Variants in P2RX4 observed in about 807,000 individuals in gnomAD.
P2RX4 encodes the protein P2X purinoceptor 4.
In P2RX4, 37 loss-of-function variants were observed where a neutral mutation model predicts 48.0. The observed-to-expected ratio is 0.77, with a 90% CI of 0.59 to 1.01. The LOEUF (loss-of-function observed/expected upper bound fraction) is 1.01. Ranked by LOEUF, P2RX4 falls within the 50% of genes least tolerant of loss-of-function variation. The pLI, the probability that P2RX4 is intolerant of heterozygous loss-of-function variation, is 0.00. For synonymous variants in P2RX4, 200 were observed against 199.7 expected, an observed-to-expected ratio of 1.00 and a Z score of -0.01; for missense variants, 501 against 521.4, an observed-to-expected ratio of 0.96 and a Z score of 0.38.
rs760764605 is a variant in P2RX4 at position 121,233,685 on chromosome 12, C to G, written c.*136C>G. 2.6e-5 allele frequency: 40 copies of G among 1,532,094 alleles called. No homozygotes were observed. Among genetic ancestry groups the G allele is most frequent in the Admixed American group, 8.0e-5 (4 of 50,090 alleles). The allele number at this position is 1,532,094 out of a possible 1,614,324, so 94.9% of individuals were successfully genotyped here. ...CTCCACTCCACAAGCACTCAGGGTT[C>G]CCCAGCAGCTCCTGTGTGTTGTGTG... On this transcript the variant is annotated 3_prime_UTR_variant, in exon 12 of 12. Coordinates refer to ENST00000337233, the MANE Select transcript of P2RX4 (RefSeq NM_002560.3).
At chr12:121,218,477 C>T (rs186367913) in intron 2 of P2RX4, among the ~76,000 whole-genome samples, 4 of 151,854 alleles carry the variant, frequency 2.6e-5, no homozygotes, top group Admixed American at 6.6e-5. Context: ...AGCAAGACTC[C>T]GTCTCAAAAA....
chr12:121,229,019 C>A lies in P2RX4; in HGVS notation c.804C>A (p.Ser268=). 1 of 1,614,068 alleles carries A rather than the reference C, an allele frequency of 6.2e-7. No homozygotes were observed. The highest frequency in any genetic ancestry group is 8.5e-7 in the Non-Finnish European group (1 of 1,180,022). The change falls in exon 8 of 12, where the codon TCC becomes TCA. Residue 268 remains serine, a synonymous_variant. Coordinates refer to ENST00000337233, the MANE Select transcript of P2RX4 (RefSeq NM_002560.3). This position sits in a 1 kb window ranked among gnomAD's most constrained non-coding sequence, Gnocchi z 4.6. ...NWDCNLDRAA[S]LCLPRYSFRR... is the part of the protein sequence containing the mutation. ...ACTGCAACCTGGACAGAGCCGCCTCCCTCTGCTTGCCCAGGTACTCCTTCC... is the reference window on the plus strand; with the variant it reads ...ACTGCAACCTGGACAGAGCCGCCTCACTCTGCTTGCCCAGGTACTCCTTCC...
rs1374888706 is a variant in P2RX4, at chr12:121,212,816, A to T, written c.134+2518A>T. 90 of 32,718 alleles carry T rather than the reference A, an allele frequency of 2.8e-3. 3 individuals are homozygous for T. Among genetic ancestry groups the T allele is most frequent in the African/African-American group, 0.011 (75 of 6,914 alleles). 2.0% of individuals were successfully genotyped at this position (32,718 alleles called of 1,614,324 possible). A position where few individuals can be genotyped will look rare whatever the true frequency, so the allele number is the denominator to read the frequency against. ...AATATATATATATATATATATATAT[A>T]TATATATATTTTTTTTTTTTTTTTG... On this transcript the variant is annotated intron_variant, in intron 1 of 11. Transcript: ENST00000337233.
In P2RX4 at chr12:121,228,584, C is replaced by T. The variant is rs1190393662; in HGVS notation, c.576C>T (p.Asn192=). 2 of 1,613,642 alleles carry T rather than the reference C, an allele frequency of 1.2e-6. No homozygotes were observed. The highest frequency in any genetic ancestry group is 1.7e-6 in the Non-Finnish European group (2 of 1,179,930). Residue 192 remains asparagine (N), a synonymous_variant, in exon 6 of 12, where the codon AAC becomes AAT. Coordinates refer to ENST00000337233, the MANE Select transcript of P2RX4 (RefSeq NM_002560.3). Reference sequence around the variant, plus strand: ...ACTTCACTCTTTTGGTTAAGAACAACATCTGGTATCCCAAATTTAATTTCA... The same window carrying T: ...ACTTCACTCTTTTGGTTAAGAACAATATCTGGTATCCCAAATTTAATTTCA... ...AENFTLLVKN[N]IWYPKFNFSK... is the part of the protein sequence containing the mutation.
intron 1 of P2RX4, chr12:121,212,901 G>C (rs1488107568): frequency 2.1e-5 from 3 of 141,336 alleles, no homozygotes; most frequent in Non-Finnish European, 4.5e-5. Context: ...GAAGCATTTG[G>C]GGGCAGGAGC....
intron 8 of P2RX4, among the ~76,000 whole-genome samples, chr12:121,231,783 AG>A (rs1245631478): frequency 6.6e-6 from 1 of 152,034 alleles, no homozygotes; most frequent in Non-Finnish European, 1.5e-5. Flanking sequence ...AAATTTAAAA[AG>A]CCCTAGGTCA....
intron 11 of P2RX4, 98 bp downstream of exon 11, chr12:121,233,190 C>A: frequency 1.2e-6 from 1 of 832,208 alleles, no homozygotes. Flanking sequence ...TCTGCAGAGG[C>A]TGGCACCAGT....
In P2RX4 at chr12:121,232,516, C is replaced by A; in HGVS notation, c.978+9C>A. 1 of 1,612,212 alleles carries A rather than the reference C, an allele frequency of 6.2e-7. No homozygotes were observed. Among genetic ancestry groups the A allele is most frequent in the Middle Eastern group, 1.7e-4 (1 of 6,060 alleles). On this transcript the variant is annotated intron_variant, in intron 9 of 11. Transcript: ENST00000337233. This position sits in a 1 kb window ranked among gnomAD's most constrained non-coding sequence, Gnocchi z 4.3. ...TCATTGTGTTTGGGAAGGTAGCTCGCCGCCACTGGCTCCCCTCCGTCACTC... is the reference window on the plus strand; with the variant it reads ...TCATTGTGTTTGGGAAGGTAGCTCGACGCCACTGGCTCCCCTCCGTCACTC...
intron 2 of P2RX4, among the ~76,000 whole-genome samples, chr12:121,219,861 TAGAC>T (rs746707184): frequency 2.5e-4 from 36 of 142,900 alleles, no homozygotes; most frequent in African/African-American, 8.3e-4. Context: ...GATAGATAGA[TAGAC>T]AGATAATAGA....
At chr12:121,226,189 T>C (rs569298932) in intron 5 of P2RX4, among the ~76,000 whole-genome samples, 16 of 152,220 alleles carry the variant, frequency 1.1e-4, no homozygotes, top group African/African-American at 3.6e-4. Context: ...ATACTTTTAT[T>C]GGACATCACT....
At chr12:121,231,829 C>T (rs1333422288) in intron 8 of P2RX4, among the ~76,000 whole-genome samples, 1 of 151,908 alleles carries the variant, frequency 6.6e-6, no homozygotes, top group African/African-American at 2.4e-5. Context: ...CTTGGTGAAA[C>T]CCCGTCTCTA....
chr12:121,210,241 G>T lies in P2RX4; in HGVS notation c.77G>T (p.Arg26Leu), dbSNP rs886908874. Residue 26 changes from arginine (R) to leucine (L), a missense_variant, in exon 1 of 12, where the codon CGC (arginine) becomes CTC (leucine). By Grantham distance (102) the Arg-to-Leu change is moderately radical. Around this residue, in one of 3 missense-constraint regions of P2RX4, gnomAD observed 295 missense variants for 275.3 expected, o/e 1.07. Coordinates refer to ENST00000337233, the MANE Select transcript of P2RX4 (RefSeq NM_002560.3). Reference sequence around the variant, plus strand: ...CCGCGCATCGTGCTCATCCGCAGCCGCAAAGTGGGGCTCATGAACCGCGCC... The same window carrying T: ...CCGCGCATCGTGCTCATCCGCAGCCTCAAAGTGGGGCTCATGAACCGCGCC... ...DTPRIVLIRS[R>L]KVGLMNRAVQ... The T allele has an allele frequency of 1.3e-5, 21 of 1,562,220 alleles. No homozygotes were observed. The highest frequency in any genetic ancestry group is 5.6e-5 in the Admixed American group (3 of 53,428).
At chr12:121,226,011 G>C (rs1315909186) in intron 5 of P2RX4, among the ~76,000 whole-genome samples, 1 of 151,816 alleles carries the variant, frequency 6.6e-6, no homozygotes, top group Non-Finnish European at 1.5e-5. Flanking sequence ...TGTGTAGCTG[G>C]GACCACAGGG....
At position 121,228,964 on chromosome 12, in the gene P2RX4, G is replaced by A; in HGVS notation, c.749G>A (p.Gly250Glu). 3 of 1,614,074 alleles carry A rather than the reference G, an allele frequency of 1.9e-6. No homozygotes were observed. Among genetic ancestry groups the A allele is most frequent in the Non-Finnish European group, 2.5e-6 (3 of 1,180,014 alleles). The change falls in exon 8 of 12, where the codon GGA (glycine) becomes GAA (glutamate). Residue 250 changes from glycine (G) to glutamate (E), a missense_variant and splice_region_variant. Around this residue, in one of 3 missense-constraint regions of P2RX4, gnomAD observed 197 missense variants for 219.5 expected, o/e 0.90. Transcript: ENST00000337233. ...CGTGTCTCTGCTGCTCATCCCCAGG[G>A]AGGCATCATGGGCATCCAGGTCAAC... ...GHSFQDMAVE[G>E]GIMGIQVNWD...
In P2RX4 at chr12:121,210,364, C is replaced by T. The variant is rs544098330; in HGVS notation, c.134+66C>T. 46 of 1,377,666 alleles carry T rather than the reference C, an allele frequency of 3.3e-5. No individual in the cohort carries two copies. In the South Asian group the frequency reaches 7.6e-4, roughly 23 times the overall value. 85.3% of individuals were successfully genotyped at this position (1,377,666 alleles called of 1,614,324 possible). A position where few individuals can be genotyped will look rare whatever the true frequency, so the allele number is the denominator to read the frequency against. On this transcript the variant is annotated intron_variant, in intron 1 of 11. Coordinates refer to ENST00000337233, the MANE Select transcript of P2RX4 (RefSeq NM_002560.3). ...CTCGCGTCCGCGCCGTGCGGCGGCT[C>T]ATCCTGGCCTCGGTCACCTGGGCGA...
intron 5 of P2RX4, among the ~76,000 whole-genome samples, chr12:121,227,479 A>G (rs151294504): frequency 1.2e-3 from 184 of 152,346 alleles, no homozygotes; most frequent in African/African-American, 4.0e-3. Flanking sequence ...GCCTGTAGGC[A>G]AATTTACTTT....
rs1229243821 is a variant in P2RX4, at chr12:121,232,761, C to T, written c.1044+85C>T. 1.7e-6 allele frequency: 2 copies of T among 1,172,816 alleles called. No individual in the cohort carries two copies. The highest frequency in any genetic ancestry group is 2.6e-6 in the Non-Finnish European group (2 of 783,710). 72.7% of individuals were successfully genotyped at this position (1,172,816 alleles called of 1,614,324 possible). A position where few individuals can be genotyped will look rare whatever the true frequency, so the allele number is the denominator to read the frequency against. On this transcript the variant is annotated intron_variant, in intron 10 of 11. Coordinates refer to ENST00000337233, the MANE Select transcript of P2RX4 (RefSeq NM_002560.3). This position sits in a 1 kb window ranked among gnomAD's most constrained non-coding sequence, Gnocchi z 4.3. ...CTGGTCCTGGCCCTAGGCCCTAGACCTCAGATGTGTTTCTAAACTTGACCC... is the reference window on the plus strand; with the variant it reads ...CTGGTCCTGGCCCTAGGCCCTAGACTTCAGATGTGTTTCTAAACTTGACCC...
chr12:121,230,328 A>G (rs1311157715), intron 8 of P2RX4, among the ~76,000 whole-genome samples: 2 of 152,248 alleles, frequency 1.3e-5, no homozygotes, highest in African/African-American at 4.8e-5. Flanking sequence ...GGTTGCAGTG[A>G]GCCGAGATCG....
Position 121,229,825 on chromosome 12 carries a change from G to A in P2RX4, c.884+726G>A, listed in dbSNP as rs148899046. ...CATCACTCCAGTCTCTGCCTCTCCT[G>A]TCATGAGGCCTTCTGCCTTGTATGT... is the stretch of plus-strand genomic sequence containing the variant. On this transcript the variant is annotated intron_variant, in intron 8 of 11. Coordinates refer to ENST00000337233, the MANE Select transcript of P2RX4 (RefSeq NM_002560.3). The surrounding 1 kb of genome is among the most constrained non-coding windows in gnomAD (Gnocchi z 4.6). Among the ~76,000 whole-genome samples, 22 of 152,262 alleles carry A rather than the reference G, an allele frequency of 1.4e-4. No individual in the cohort carries two copies. The East Asian group carries it at 4.3e-3, about 29-fold the overall frequency.
Sources: allele counts gnomAD v4.1 joint callset (sites outside exome capture counted in the v4.1 genomes callset), GRCh38; gene constraint gnomAD v4.1.1; regional missense constraint gnomAD v4.1.1; non-coding constraint Gnocchi (gnomAD v3.1); transcripts MANE v1.5; gene names NCBI Gene and HGNC (gene_info 2026-07-23, HGNC 2026-07-21).